SOX6: variants seen among roughly 807,000 people sequenced by gnomAD.
SOX6 encodes the protein SRY-box transcription factor 6.
A neutral mutation model predicts 97.8 loss-of-function variants in SOX6; 11 were observed. The ratio of observed to expected loss-of-function variants is 0.11; its 90% CI spans 0.07 to 0.19. The LOEUF (loss-of-function observed/expected upper bound fraction) is 0.19, where lower values mean the gene tolerates loss of function less well. Among genes scored for constraint, SOX6 ranks in the 10% least tolerant of loss-of-function variants. The probability of loss-of-function intolerance (pLI) is 1.00; values close to 1 mark genes in which losing one functional copy is unlikely to be tolerated. For synonymous variants in SOX6, 360 were observed against 371.4 expected, an observed-to-expected ratio of 0.97 and a Z score of 0.35; for missense variants, 810 against 1,039.5, an observed-to-expected ratio of 0.78 and a Z score of 3.04.
In SOX6 at chr11:16,158,638, A is replaced by T. The variant is rs376417829; in HGVS notation, c.777+25248T>A. On this transcript the variant is annotated intron_variant, in intron 6 of 15. Transcript: ENST00000683767. Reference sequence around the variant, plus strand: ...TAGGCAAGGCTTCCAGGAGTAATAAAAAAATTCCTCTTATCTGCTTGTGGC... The same window carrying T: ...TAGGCAAGGCTTCCAGGAGTAATAATAAAATTCCTCTTATCTGCTTGTGGC... Among the ~76,000 whole-genome samples the T allele has an allele frequency of 1.6e-3, 241 of 152,054 alleles. 1 individual carries two copies. The highest frequency in any genetic ancestry group is 5.3e-3 in the African/African-American group (219 of 41,532).
chr11:16,342,254 T>A (rs1423226751), intron 1 of SOX6, among the ~76,000 whole-genome samples: 1 of 151,954 alleles, frequency 6.6e-6, no homozygotes. Context: ...GGCAAAATGG[T>A]TAGAAAATAA....
At chr11:16,012,372 A>G (rs1854757311) in intron 13 of SOX6, among the ~76,000 whole-genome samples, 1 of 152,014 alleles carries the variant, frequency 6.6e-6, no homozygotes, top group Non-Finnish European at 1.5e-5. Context: ...GAAGCACTGC[A>G]CTTCGGTCGG....
rs535135997 is a variant in SOX6, at chr11:16,664,098, AAAAAC to A, written n.429+50727_429+50731del. On this transcript the variant is annotated intron_variant and non_coding_transcript_variant, in intron 3 of 5. Coordinates refer to the SOX6 transcript ENST00000524520. ...GGCAACATAGCAAGACCTCATCTCT[AAAAAC>A]AAAACAAAACAAAAACAAACAAACA... 8.5e-5 allele frequency among the ~76,000 whole-genome samples: 13 copies of A among 152,234 alleles called. No homozygotes were observed. In the East Asian group the frequency reaches 1.9e-3, roughly 23 times the overall value.
At chr11:16,284,212 A>G (rs866003571) in intron 3 of SOX6, among the ~76,000 whole-genome samples, 2 of 152,260 alleles carry the variant, frequency 1.3e-5, no homozygotes, top group African/African-American at 2.4e-5. Context: ...TTACTACATT[A>G]GTACATGGGC....
intron 1 of SOX6, among the ~76,000 whole-genome samples, chr11:16,458,198 A>C (rs762647810): frequency 5.3e-5 from 8 of 151,974 alleles, no homozygotes; most frequent in Non-Finnish European, 8.8e-5. Flanking sequence ...ATTTCATAAA[A>C]GGCATAAGAC....
intron 4 of SOX6, among the ~76,000 whole-genome samples, chr11:16,536,375 C>T (rs753125591): frequency 3.3e-5 from 5 of 152,134 alleles, no homozygotes; most frequent in Non-Finnish European, 5.9e-5. Flanking sequence ...TCTGCAGCTC[C>T]CGGCGAGATT....
chr11:16,011,038 G>A (rs1253859200), intron 13 of SOX6, among the ~76,000 whole-genome samples: 3 of 152,024 alleles, frequency 2.0e-5, no homozygotes, highest in East Asian at 3.9e-4. Flanking sequence ...TTTAGCAAAG[G>A]AACTTCAACT....
chr11:16,557,253 G>A (rs920489940), intron 4 of SOX6, among the ~76,000 whole-genome samples: 9 of 151,716 alleles, frequency 5.9e-5, no homozygotes, highest in African/African-American at 2.2e-4. Flanking sequence ...GTAAGGTTAG[G>A]AACTTTTCCA....
chr11:16,204,792 C>A (rs1227847949), intron 4 of SOX6, among the ~76,000 whole-genome samples: 1 of 152,074 alleles, frequency 6.6e-6, no homozygotes, highest in Non-Finnish European at 1.5e-5. Flanking sequence ...TCAAAGAGAT[C>A]ATTCAACCCC....
chr11:16,166,856 C>T (rs371725165), intron 6 of SOX6, among the ~76,000 whole-genome samples: 2 of 152,062 alleles, frequency 1.3e-5, no homozygotes, highest in Admixed American at 6.6e-5. Flanking sequence ...AAGTATGAGT[C>T]GTGTTCTGAA....
intron 3 of SOX6, among the ~76,000 whole-genome samples, chr11:16,659,097 TA>T (rs936307562): frequency 2.5e-4 from 38 of 152,256 alleles, no homozygotes; most frequent in African/African-American, 8.2e-4. Context: ...GTGCTGTATC[TA>T]AAAAATCACG....
rs116015413 is a variant in SOX6, at chr11:16,270,099, A to C, written c.446-35428T>G. On this transcript the variant is annotated intron_variant, in intron 3 of 15. Transcript: ENST00000683767. ...AATAAATAATCAATAATATCTGATAAGGGTTTAATATTAGCAATATATAAA... is the reference window on the plus strand; with the variant it reads ...AATAAATAATCAATAATATCTGATACGGGTTTAATATTAGCAATATATAAA... The C allele has an allele frequency of 3.3e-5, 5 of 151,366 alleles. No individual in the cohort carries two copies. The Admixed American group carries it at 3.3e-4, about 10-fold the overall frequency. The allele number at this position is 151,366 out of a possible 1,614,324, so 9.4% of individuals were successfully genotyped here.
At chr11:16,186,742 T>C in intron 5 of SOX6, 41 bp downstream of exon 5, 1 of 1,607,850 alleles carries the variant, frequency 6.2e-7, no homozygotes, top group Non-Finnish European at 8.5e-7. Context: ...GCCTGGCACA[T>C]TCCACATCTC....
chr11:16,478,988 T>C (rs972287510), upstream of SOX6, among the ~76,000 whole-genome samples: 2 of 152,186 alleles, frequency 1.3e-5, no homozygotes, highest in Non-Finnish European at 2.9e-5. Flanking sequence ...TGCTCATTTA[T>C]ACATTCAGCG....
chr11:16,138,417 A>G (rs1015443712), intron 6 of SOX6, among the ~76,000 whole-genome samples: 5 of 152,178 alleles, frequency 3.3e-5, no homozygotes, highest in Non-Finnish European at 7.3e-5. Flanking sequence ...TATCCTTTAT[A>G]GCAATAAGAT....
At chr11:16,712,671 C>T (rs1280045850) in intron 3 of SOX6, among the ~76,000 whole-genome samples, 1 of 152,166 alleles carries the variant, frequency 6.6e-6, no homozygotes, top group Non-Finnish European at 1.5e-5. Context: ...ACCTAGCTAG[C>T]TCCACCTCAC....
intron 1 of SOX6, among the ~76,000 whole-genome samples, chr11:16,399,397 T>C (rs968420890): frequency 2.6e-5 from 4 of 150,962 alleles, no homozygotes; most frequent in Non-Finnish European, 5.9e-5. Context: ...TCTCACTCTA[T>C]TGACCAAGTT....
At chr11:16,163,730 C>T (rs1056610827) in intron 6 of SOX6, among the ~76,000 whole-genome samples, 12 of 152,188 alleles carry the variant, frequency 7.9e-5, no homozygotes, top group African/African-American at 2.9e-4. Flanking sequence ...ATGATTTTGG[C>T]TTCTAAGCCT....
intron 4 of SOX6, among the ~76,000 whole-genome samples, chr11:16,549,966 T>C (rs948678770): frequency 1.3e-5 from 2 of 152,124 alleles, no homozygotes; most frequent in Admixed American, 6.6e-5. Context: ...CAAAGGGGCA[T>C]GGAAAGCCTT....
Sources: allele counts gnomAD v4.1 joint callset (sites outside exome capture counted in the v4.1 genomes callset), GRCh38; gene constraint gnomAD v4.1.1; transcripts MANE v1.5; gene names NCBI Gene and HGNC (gene_info 2026-07-23, HGNC 2026-07-21).